Variants in BBS9 observed in about 807,000 individuals in gnomAD.
The protein encoded by BBS9 is Bardet-Biedl syndrome 9.
In BBS9, 89 loss-of-function variants were observed where a neutral mutation model predicts 117.7. The ratio of observed to expected loss-of-function variants is 0.76; its 90% CI spans 0.64 to 0.90. The LOEUF (loss-of-function observed/expected upper bound fraction) is 0.90. Ranked by LOEUF, BBS9 falls within the 40% of genes least tolerant of loss-of-function variation. The pLI, the probability that BBS9 is intolerant of heterozygous loss-of-function variation, is 0.00. For missense variants in BBS9, 982 were observed against 1,042.2 expected (o/e 0.94, Z 0.80); for synonymous variants, 379 against 370.9 (o/e 1.02, Z -0.25).
At chr7:33,631,263 C>T (rs1865879178) in intron 21 of BBS9, among the ~76,000 whole-genome samples, 1 of 152,180 alleles carries the variant, frequency 6.6e-6, no homozygotes, top group Non-Finnish European at 1.5e-5. Flanking sequence ...GCCGGCCCTG[C>T]AGGCGACTTA....
chr7:33,218,783 T>C (rs1789564865), intron 5 of BBS9, among the ~76,000 whole-genome samples: 1 of 152,230 alleles, frequency 6.6e-6, no homozygotes. Flanking sequence ...CTGTTATCAG[T>C]TGAAGGTTTT....
intron 20 of BBS9, chr7:33,505,884 T>C (rs756233162): frequency 9.4e-6 from 5 of 533,806 alleles, no homozygotes; most frequent in African/African-American, 3.8e-5. Context: ...CTACTTTTTA[T>C]GTGTTCTTCA....
chr7:33,567,954 A>G (rs1857170073), intron 21 of BBS9, among the ~76,000 whole-genome samples: 1 of 152,090 alleles, frequency 6.6e-6, no homozygotes, highest in Admixed American at 6.6e-5. Flanking sequence ...GGCCACCACT[A>G]TTGCTACATT....
chr7:33,225,904 T>C (rs1230766533), intron 5 of BBS9, among the ~76,000 whole-genome samples: 1 of 152,214 alleles, frequency 6.6e-6, no homozygotes, highest in Non-Finnish European at 1.5e-5. Context: ...GACATTTTAC[T>C]TATCCTCATT....
At chr7:33,256,853 A>G (rs1458452927) in intron 5 of BBS9, among the ~76,000 whole-genome samples, 1 of 152,204 alleles carries the variant, frequency 6.6e-6, no homozygotes, top group African/African-American at 2.4e-5. Context: ...TATAGCCACT[A>G]GATCTTTCTC....
intron 21 of BBS9, among the ~76,000 whole-genome samples, chr7:33,547,499 G>A (rs1008385410): frequency 2.0e-5 from 3 of 152,148 alleles, no homozygotes; most frequent in African/African-American, 7.2e-5. Context: ...GAAAAAGTGA[G>A]CACCCAGATA....
chr7:33,376,770 CT>C (rs1054443803), intron 17 of BBS9, among the ~76,000 whole-genome samples: 1 of 152,006 alleles, frequency 6.6e-6, no homozygotes. Context: ...CTCATTTTGG[CT>C]TTGACTTGAA....
Position 33,367,809 on chromosome 7 carries a change from G to A in BBS9, c.1736G>A (p.Gly579Asp). ...QSDDDQVNVM[G>D]FHFLGGARIT... ...GATGATGATCAGGTGAATGTAATGG[G>A]TTTTCACTTCTTAGGAGGTGCTCGA... The change falls in exon 17 of 23, where the codon GGT (glycine) becomes GAT (aspartate). Residue 579 changes from glycine (G) to aspartate (D), a missense_variant. By Grantham distance (94) the Gly-to-Asp change is moderately conservative. Transcript: ENST00000242067. 9 of 1,613,836 alleles carry A rather than the reference G, an allele frequency of 5.6e-6. No homozygotes were observed. Among genetic ancestry groups the A allele is most frequent in the Non-Finnish European group, 6.8e-6 (8 of 1,179,838 alleles).
intron 19 of BBS9, among the ~76,000 whole-genome samples, chr7:33,499,485 C>T (rs1330969276): frequency 6.6e-6 from 1 of 152,202 alleles, no homozygotes; most frequent in East Asian, 1.9e-4. Flanking sequence ...TTCATCTATG[C>T]TGACCTTTTA....
intron 21 of BBS9, among the ~76,000 whole-genome samples, chr7:33,630,418 C>A (rs2598372): frequency 0.89 from 135,556 of 152,102 alleles, 61,094 homozygotes; most frequent in Non-Finnish European, 0.96. Context: ...AATTAAACTC[C>A]TATAATTATG....
chr7:33,351,473 T>G, intron 14 of BBS9, 150 bp downstream of exon 14: 1 of 708,386 alleles, frequency 1.4e-6, no homozygotes, highest in Non-Finnish European at 2.6e-6. Flanking sequence ...TTCATTACTT[T>G]TATGTGTTAT....
intron 19 of BBS9, among the ~76,000 whole-genome samples, chr7:33,392,679 T>C (rs1827260251): frequency 6.6e-6 from 1 of 151,966 alleles, no homozygotes; most frequent in Admixed American, 6.5e-5. Context: ...AACGAACAGT[T>C]CTTTTTGAAA....
At chr7:33,362,604 G>T (rs1043044073) in intron 16 of BBS9, among the ~76,000 whole-genome samples, 1 of 151,934 alleles carries the variant, frequency 6.6e-6, no homozygotes, top group Admixed American at 6.5e-5. Context: ...TCTTAATTTT[G>T]TTCCATTGAT....
chr7:33,415,724 T>C (rs1831892844), intron 19 of BBS9, among the ~76,000 whole-genome samples: 1 of 152,202 alleles, frequency 6.6e-6, no homozygotes. Context: ...GAAAGCGTAG[T>C]GCTCTCTCCC....
chr7:33,587,833 A>G (rs547951923), intron 21 of BBS9, among the ~76,000 whole-genome samples: 3 of 152,120 alleles, frequency 2.0e-5, no homozygotes, highest in African/African-American at 4.8e-5. Context: ...ATGTTACCAG[A>G]GTGTAAAAAA....
intron 2 of BBS9, among the ~76,000 whole-genome samples, chr7:33,146,570 G>A (rs950053944): frequency 2.6e-5 from 4 of 152,018 alleles, no homozygotes; most frequent in South Asian, 2.1e-4. Context: ...TTGGTGGTGG[G>A]CATCTGTAAT....
chr7:33,473,657 C>T (rs1196044914), intron 19 of BBS9, among the ~76,000 whole-genome samples: 1 of 152,144 alleles, frequency 6.6e-6, no homozygotes, highest in Non-Finnish European at 1.5e-5. Flanking sequence ...TTTCACACAG[C>T]AGCTTATAAA....
intron 20 of BBS9, among the ~76,000 whole-genome samples, chr7:33,518,902 A>G (rs987492789): frequency 6.6e-6 from 1 of 152,198 alleles, no homozygotes; most frequent in Non-Finnish European, 1.5e-5. Context: ...GCAATTCTAA[A>G]TATTTTTTTT....
chr7:33,357,412 G>A (rs1468807077), intron 15 of BBS9, among the ~76,000 whole-genome samples: 1 of 151,610 alleles, frequency 6.6e-6, no homozygotes, highest in Non-Finnish European at 1.5e-5. Flanking sequence ...AAATGTTTTT[G>A]AGTAGAGAAA....
Sources: gnomAD v4.1 joint callset for allele counts (sites outside exome capture counted in the v4.1 genomes callset) on GRCh38, gnomAD v4.1.1 for gene constraint, MANE v1.5 for transcripts, NCBI Gene and HGNC (gene_info 2026-07-23, HGNC 2026-07-21) for gene names.